Variants in ZNF536 observed in about 807,000 individuals in gnomAD.
ZNF536 encodes zinc finger protein 536.
A neutral mutation model predicts 84.5 loss-of-function variants in ZNF536; 13 were observed. The observed-to-expected ratio is 0.15, with a 90% confidence interval of 0.10 to 0.24. The LOEUF (loss-of-function observed/expected upper bound fraction) is 0.24, where lower values mean the gene tolerates loss of function less well. Ranked by LOEUF, ZNF536 falls within the 10% of genes least tolerant of loss-of-function variation. The pLI, the probability that ZNF536 is intolerant of heterozygous loss-of-function variation, is 1.00. For synonymous variants in ZNF536, 811 were observed against 742.5 expected (o/e 1.09, Z -1.50); for missense variants, 1,536 against 1,747.5 (o/e 0.88, Z 2.16).
intron 2 of ZNF536, among the ~76,000 whole-genome samples, chr19:30,451,096 C>G (rs2052584380): frequency 1.3e-5 from 2 of 152,244 alleles, no homozygotes; most frequent in South Asian, 4.1e-4. Context: ...AGCTGAGAGC[C>G]GAGAGCTGAG....
chr19:30,567,724 T>G (rs982814962), intron 1 of ZNF536, among the ~76,000 whole-genome samples: 2 of 152,104 alleles, frequency 1.3e-5, no homozygotes, highest in Non-Finnish European at 2.9e-5. Context: ...ATCAACCTTA[T>G]TCTCATTGTG....
Position 30,444,418 on chromosome 19 carries a change from C to T in ZNF536, c.856C>T (p.Arg286Cys), listed in dbSNP as rs1445915532. ...CTTCTGCAAGGGCAAGTTCAAGAAG[C>T]GCGAGGAGCTGGACCGCCACATCCG... The part of the protein sequence containing the change: ...CTFCKGKFKK[R>C]EELDRHIRIL... Residue 286 changes from arginine (R) to cysteine (C), a missense_variant, in exon 2 of 5, where the codon CGC (arginine) becomes TGC (cysteine). By Grantham distance (180) the Arg-to-Cys change is radical. Around this residue, in one of 8 missense-constraint regions of ZNF536, gnomAD observed 61 missense variants for 104.0 expected, o/e 0.59. Transcript: ENST00000355537. 6.2e-7 allele frequency: 1 copy of T among 1,608,076 alleles called. No individual in the cohort carries two copies. Among genetic ancestry groups the T allele is most frequent in the South Asian group, 1.1e-5 (1 of 91,088 alleles).
At chr19:30,681,677 A>G (rs772382215) in intron 1 of ZNF536, among the ~76,000 whole-genome samples, 5 of 152,148 alleles carry the variant, frequency 3.3e-5, no homozygotes, top group Admixed American at 2.0e-4. Flanking sequence ...GGATTCTAGG[A>G]AGCCACGCTG....
chr19:30,658,141 C>T (rs1375837109), intron 1 of ZNF536, among the ~76,000 whole-genome samples: 1 of 151,960 alleles, frequency 6.6e-6, no homozygotes, highest in Non-Finnish European at 1.5e-5. Context: ...TCCTGCCTCA[C>T]CTTCTGAGCA....
chr19:30,507,476 A>G (rs971335874), intron 2 of ZNF536, among the ~76,000 whole-genome samples: 26 of 152,216 alleles, frequency 1.7e-4, no homozygotes, highest in African/African-American at 5.3e-4. Context: ...GGATAGTAAG[A>G]CAATGAAATA....
intron 3 of ZNF536, among the ~76,000 whole-genome samples, chr19:30,366,993 G>A (rs1382975256): frequency 6.6e-6 from 1 of 152,246 alleles, no homozygotes; most frequent in African/African-American, 2.4e-5. Context: ...CACAGCAGGT[G>A]TAAAGGCCCC....
rs1370251938 is a variant in ZNF536 at position 30,478,712 on chromosome 19, G to T, written c.2170+32980G>T. Among the ~76,000 whole-genome samples the T allele has an allele frequency of 2.6e-5, 4 of 152,264 alleles. No homozygotes were observed. In the East Asian group the frequency reaches 7.7e-4, roughly 29 times the overall value. ...TTAATATTGCCCTGAAATGTGCATG[G>T]TCCCAGGATTCCTTGGGGTCCTGTA... On this transcript the variant is annotated intron_variant, in intron 2 of 4. Transcript: ENST00000355537.
Position 30,580,452 on chromosome 19 carries a change from C to T in ZNF536, c.169+30938C>T, listed in dbSNP as rs146387595. On this transcript the variant is annotated intron_variant, in intron 1 of 1. Transcript: ENST00000592773. ...CTCAGCACAACTGTGGTCAGGTGCC[C>T]GAGAAGCCAAGATTAGTGAGGCACA... Among the ~76,000 whole-genome samples the T allele has an allele frequency of 1.8e-3, 270 of 152,196 alleles. 3 individuals are homozygous for T. Among genetic ancestry groups the T allele is most frequent in the African/African-American group, 6.1e-3 (255 of 41,526 alleles).
intron 2 of ZNF536, among the ~76,000 whole-genome samples, chr19:30,472,313 C>T (rs1014775193): frequency 1.3e-5 from 2 of 152,190 alleles, no homozygotes; most frequent in Non-Finnish European, 2.9e-5. Context: ...GGAGTACCTG[C>T]GGAAGAGAGT....
intron 1 of ZNF536, among the ~76,000 whole-genome samples, chr19:30,636,541 G>T (rs549959907): frequency 6.6e-6 from 1 of 152,272 alleles, no homozygotes; most frequent in South Asian, 2.1e-4. Flanking sequence ...AAGTCCACAG[G>T]GTGGAAGCAC....
In ZNF536 at chr19:30,546,897, C is replaced by G. The variant is rs561931248; in HGVS notation, c.2324-1046C>G. Among the ~76,000 whole-genome samples, 5 of 151,214 alleles carry G rather than the reference C, an allele frequency of 3.3e-5. 1 individual carries two copies. Among genetic ancestry groups the G allele is most frequent in the Admixed American group, 3.3e-4 (5 of 15,168 alleles). On this transcript the variant is annotated intron_variant, in intron 3 of 4. Transcript: ENST00000355537. Reference sequence around the variant, plus strand: ...TAAATCTGCAGTCGTTTACCTTCTTCCCCTTCTCTATCCCACAATGCCAGC... The same window carrying G: ...TAAATCTGCAGTCGTTTACCTTCTTGCCCTTCTCTATCCCACAATGCCAGC...
At chr19:30,283,448 G>C (rs1432279230) in intron 1 of ZNF536, among the ~76,000 whole-genome samples, 1 of 152,234 alleles carries the variant, frequency 6.6e-6, no homozygotes, top group Non-Finnish European at 1.5e-5. Flanking sequence ...TTACATCAGT[G>C]ATAAAACAGA....
chr19:30,333,319 C>G lies in ZNF536; in HGVS notation c.-119-19049C>G, dbSNP rs572437339. Among the ~76,000 whole-genome samples, 3 of 152,310 alleles carry G rather than the reference C, an allele frequency of 2.0e-5. No homozygotes were observed. In the South Asian group the frequency reaches 6.2e-4, roughly 32 times the overall value. ...GGACTGTGGATCCCAGACACAGAGA[C>G]GTCCGGGAGTTGCAAGGGAGCACCA... On this transcript the variant is annotated intron_variant, in intron 2 of 5. Coordinates refer to the ZNF536 transcript ENST00000585628.
At chr19:30,471,365 A>G (rs1037259868) in intron 2 of ZNF536, among the ~76,000 whole-genome samples, 1 of 152,252 alleles carries the variant, frequency 6.6e-6, no homozygotes. Context: ...TATAGAGCTC[A>G]GTGCAAAATG....
At chr19:30,674,548 C>A (rs575617160) in intron 1 of ZNF536, among the ~76,000 whole-genome samples, 2 of 152,182 alleles carry the variant, frequency 1.3e-5, no homozygotes, top group African/African-American at 4.8e-5. Flanking sequence ...AGTGTATGCC[C>A]TCAATCCAGG....
chr19:30,644,842 T>C (rs2049405041), intron 1 of ZNF536, among the ~76,000 whole-genome samples: 1 of 152,296 alleles, frequency 6.6e-6, no homozygotes, highest in Non-Finnish European at 1.5e-5. Context: ...GTGCATGTGT[T>C]TTTATAGCAG....
chr19:30,552,043 T>C (rs990869640), intron 4 of ZNF536, among the ~76,000 whole-genome samples: 1 of 152,164 alleles, frequency 6.6e-6, no homozygotes, highest in African/African-American at 2.4e-5. Context: ...GTTTTTTTTT[T>C]CTTAAATAGT....
chr19:30,323,353 T>C (rs937144671), intron 2 of ZNF536, among the ~76,000 whole-genome samples: 2 of 152,206 alleles, frequency 1.3e-5, no homozygotes, highest in African/African-American at 4.8e-5. Context: ...TTAACACCAG[T>C]CCAGCGACAT....
chr19:30,462,558 T>A (rs1464995534), intron 2 of ZNF536, among the ~76,000 whole-genome samples: 1 of 152,142 alleles, frequency 6.6e-6, no homozygotes, highest in African/African-American at 2.4e-5. Context: ...TGTGTATTGA[T>A]GTGTGCACAG....
Sources: gnomAD v4.1 joint callset for allele counts (sites outside exome capture counted in the v4.1 genomes callset) on GRCh38, gnomAD v4.1.1 for gene constraint, gnomAD v4.1.1 regional missense constraint, MANE v1.5 for transcripts, NCBI Gene and HGNC (gene_info 2026-07-23, HGNC 2026-07-21) for gene names.